Variants in WNK2 observed in about 807,000 individuals in gnomAD.
WNK2 encodes the protein WNK lysine deficient protein kinase 2.
A neutral mutation model predicts 192.1 loss-of-function variants in WNK2; 67 were observed. That is an observed-to-expected ratio of 0.35 (90% CI 0.29 to 0.43). The LOEUF (loss-of-function observed/expected upper bound fraction) is 0.43. Among genes scored for constraint, WNK2 ranks in the 20% least tolerant of loss-of-function variants. The pLI is 1.00. For synonymous variants in WNK2, 1,439 were observed against 1,393.9 expected (o/e 1.03, Z -0.72); for missense variants, 2,698 against 3,089.7 (o/e 0.87, Z 3.01).
chr9:93,258,168 A>T (rs914804537), intron 11 of WNK2, among the ~76,000 whole-genome samples: 1 of 152,176 alleles, frequency 6.6e-6, no homozygotes, highest in Admixed American at 6.5e-5. Context: ...TCTTGATTAC[A>T]TGGAGGTGTA....
At chr9:93,252,314 G>A (rs1588191204) in intron 8 of WNK2, among the ~76,000 whole-genome samples, 1 of 152,180 alleles carries the variant, frequency 6.6e-6, no homozygotes, top group East Asian at 1.9e-4. Context: ...GGCCATGGGC[G>A]CTTGGTGTCA....
chr9:93,292,639 C>A lies in WNK2; in HGVS notation c.5174C>A (p.Ala1725Asp). The change falls in exon 23 of 30, where the codon GCT becomes GAT. Residue 1725 changes from alanine to aspartate, a missense_variant. Coordinates refer to ENST00000427277, the MANE Select transcript of WNK2 (RefSeq NM_006648.4). ...CACCCCCAGACACTCGGCGCTCGAG[C>A]TTTGGGGTCCCCTCGGAAACGTCCA... ...ASHPQTLGAR[A>D]LGSPRKRPEQ... The A allele has an allele frequency of 1.9e-6, 3 of 1,584,178 alleles. No individual in the cohort carries two copies. The highest frequency in any genetic ancestry group is 2.6e-6 in the Non-Finnish European group (3 of 1,166,018).
At chr9:93,242,442 T>C (rs1377098116) in intron 7 of WNK2, among the ~76,000 whole-genome samples, 2 of 152,236 alleles carry the variant, frequency 1.3e-5, no homozygotes, top group Non-Finnish European at 2.9e-5. Flanking sequence ...TTTTTTCAAA[T>C]TGAATTGCTA....
chr9:93,253,140 C>T, intron 9 of WNK2, 58 bp downstream of exon 9: 1 of 1,316,076 alleles, frequency 7.6e-7, no homozygotes, highest in South Asian at 1.9e-5. Context: ...GTCTGAGGGC[C>T]CTGAGGGCTC....
intron 2 of WNK2, among the ~76,000 whole-genome samples, chr9:93,201,138 T>C (rs1832272400): frequency 1.3e-5 from 2 of 152,292 alleles, no homozygotes; most frequent in Non-Finnish European, 2.9e-5. Context: ...ATCCTGTGGC[T>C]GTTCTCTGCC....
chr9:93,317,461 G>GGCACCCT (rs1854901140), intron 28 of WNK2, 59 bp from the exon 29 acceptor site: 4 of 1,560,658 alleles, frequency 2.6e-6, no homozygotes, highest in Non-Finnish European at 2.6e-6. Context: ...GGGCCACTAA[G>GGCACCCT]GGAGGCCAGC....
chr9:93,225,614 G>GT (rs1390264204), intron 2 of WNK2, among the ~76,000 whole-genome samples: 2 of 152,120 alleles, frequency 1.3e-5, no homozygotes, highest in Non-Finnish European at 2.9e-5. Context: ...CCTACTTCCC[G>GT]TTTTTTCTTA....
chr9:93,308,200 G>A (rs1347238991), intron 27 of WNK2, 128 bp from the exon 28 acceptor site: 1 of 1,445,992 alleles, frequency 6.9e-7, no homozygotes, highest in Non-Finnish European at 9.1e-7. Flanking sequence ...GCCTCTTGAA[G>A]CAAGGTGCTG....
intron 2 of WNK2, among the ~76,000 whole-genome samples, chr9:93,188,311 C>T (rs570258859): frequency 3.3e-5 from 5 of 152,292 alleles, no homozygotes; most frequent in Non-Finnish European, 5.9e-5. Flanking sequence ...CCCTGCCAGA[C>T]GGGAGAAACG....
chr9:93,289,715 A>G (rs996560592), intron 20 of WNK2, 95 bp downstream of exon 20: 4 of 1,260,334 alleles, frequency 3.2e-6, no homozygotes, highest in Non-Finnish European at 4.2e-6. Flanking sequence ...GGCTATGCAG[A>G]GCCGCCCTCA....
chr9:93,217,921 G>A (rs1048383358), intron 2 of WNK2, among the ~76,000 whole-genome samples: 10 of 151,000 alleles, frequency 6.6e-5, no homozygotes, highest in Non-Finnish European at 1.2e-4. Flanking sequence ...GGGCGTAGGC[G>A]TAGAAGACCA....
intron 26 of WNK2, among the ~76,000 whole-genome samples, chr9:93,302,770 A>G (rs1851834053): frequency 6.6e-6 from 1 of 152,132 alleles, no homozygotes; most frequent in African/African-American, 2.4e-5. Context: ...TGGGAGCAGC[A>G]GGTGGACAGA....
intron 29 of WNK2, chr9:93,318,214 CTT>C: frequency 6.8e-7 from 1 of 1,479,760 alleles, no homozygotes; most frequent in Non-Finnish European, 8.9e-7. Context: ...CATTGATAAT[CTT>C]TATTTACTGT....
At chr9:93,215,176 C>CA (rs1312169350) in intron 2 of WNK2, among the ~76,000 whole-genome samples, 3 of 152,136 alleles carry the variant, frequency 2.0e-5, no homozygotes. Flanking sequence ...GGCTGGAGTG[C>CA]AGTGGCGCGA....
rs1159122341 is a variant in WNK2, at chr9:93,247,775, C to T, written c.1775C>T (p.Pro592Leu). 3.0e-5 allele frequency: 47 copies of T among 1,549,532 alleles called. No individual in the cohort carries two copies. The highest frequency in any genetic ancestry group is 3.9e-5 in the Non-Finnish European group (45 of 1,148,770). The change falls in exon 8 of 30, where the codon CCG (proline) becomes CTG (leucine). Residue 592 changes from proline to leucine, a missense_variant. Around this residue, in one of 7 missense-constraint regions of WNK2, gnomAD observed 893 missense variants for 909.0 expected, o/e 0.98. Transcript: ENST00000427277. The surrounding 1 kb of genome is among the most constrained non-coding windows in gnomAD (Gnocchi z 5.2). ...CCCGGGCCACCAGAGCCCGAGGAGCCGGAGGCCGACCAGCACCTCCTGCCA... is the reference window on the plus strand; with the variant it reads ...CCCGGGCCACCAGAGCCCGAGGAGCTGGAGGCCGACCAGCACCTCCTGCCA... ...GQPGPPEPEE[P>L]EADQHLLPPT...
At position 93,255,412 on chromosome 9, in the gene WNK2, G is replaced by A. The variant is rs1843139112; in HGVS notation, c.2035-887G>A. ...CCCAGAGCTGGTAGACGGATGGTCC[G>A]GCCCAGTCAGGCCCATCCTCCACTC... On this transcript the variant is annotated intron_variant, in intron 9 of 29. Coordinates refer to ENST00000427277, the MANE Select transcript of WNK2 (RefSeq NM_006648.4). Among the ~76,000 whole-genome samples, 4 of 152,280 alleles carry A rather than the reference G, an allele frequency of 2.6e-5. No homozygotes were observed. The South Asian group carries it at 8.3e-4, about 32-fold the overall frequency.
At chr9:93,280,643 A>G (rs1346946458) in intron 19 of WNK2, among the ~76,000 whole-genome samples, 5 of 152,154 alleles carry the variant, frequency 3.3e-5, no homozygotes, top group Non-Finnish European at 7.4e-5. Flanking sequence ...TGTGCAGCTC[A>G]TGAATGCTTT....
Position 93,256,323 on chromosome 9 carries a change from CCGG to C in WNK2, c.2061_2063del (p.Ala688del). 1 of 1,579,700 alleles carries C rather than the reference CCGG, an allele frequency of 6.3e-7. No homozygotes were observed. The highest frequency in any genetic ancestry group is 8.5e-7 in the Non-Finnish European group (1 of 1,169,794). On this transcript the variant is annotated inframe_deletion, in exon 10 of 30. Coordinates refer to ENST00000427277, the MANE Select transcript of WNK2 (RefSeq NM_006648.4). Reference sequence around the variant, plus strand: ...GCCTGGCTTGCCGGTGGGCTCTGTCCCGGCCCCCGCCTGCCCTCCGTCCCTCCA... The same window carrying C: ...GCCTGGCTTGCCGGTGGGCTCTGTCCCCCCCGCCTGCCCTCCGTCCCTCCA...
intron 16 of WNK2, 41 bp from the exon 17 acceptor site, chr9:93,267,705 G>T: frequency 6.6e-7 from 1 of 1,519,870 alleles, no homozygotes. Context: ...GGTGGTCTTG[G>T]CCTTGCAGCT....
Sources: allele counts gnomAD v4.1 joint callset (sites outside exome capture counted in the v4.1 genomes callset), GRCh38; gene constraint gnomAD v4.1.1; regional missense constraint gnomAD v4.1.1; non-coding constraint Gnocchi (gnomAD v3.1); transcripts MANE v1.5; gene names NCBI Gene and HGNC (gene_info 2026-07-23, HGNC 2026-07-21).